Variants in PTPN21 observed in about 807,000 individuals in gnomAD.
PTPN21 encodes protein tyrosine phosphatase non-receptor type 21.
A neutral mutation model predicts 131.8 loss-of-function variants in PTPN21; 77 were observed. That is an observed-to-expected ratio of 0.58 (90% CI 0.49 to 0.71). The LOEUF (loss-of-function observed/expected upper bound fraction) is 0.71. Ranked by LOEUF, PTPN21 falls within the 30% of genes least tolerant of loss-of-function variation. The pLI is 0.00. For synonymous variants in PTPN21, 715 were observed against 621.3 expected (o/e 1.15, Z -2.24); for missense variants, 1,552 against 1,527.1 (o/e 1.02, Z -0.27).
At position 88,469,972 on chromosome 14, in the gene PTPN21, T is replaced by C. The variant is rs1399138580; in HGVS notation, c.2950A>G (p.Met984Val). ...LQNTCQDFWQMVWEQGIAIIA... is the reference protein window; with the variant it reads ...LQNTCQDFWQVVWEQGIAIIA... ...ATTGCAATTCCCTGTTCCCATACCA[T>C]CTGCCAAAAATCTTGACAGGTATTC... Residue 984 changes from methionine (M) to valine (V), a missense_variant, in exon 16 of 19, where the codon ATG becomes GTG. Around this residue, in one of 4 missense-constraint regions of PTPN21, gnomAD observed 316 missense variants for 378.5 expected, o/e 0.83. Transcript: ENST00000556564. The surrounding 1 kb of genome is among the most constrained non-coding windows in gnomAD (Gnocchi z 4.3). 1.9e-6 allele frequency: 3 copies of C among 1,614,080 alleles called. No homozygotes were observed. The highest frequency in any genetic ancestry group is 2.2e-5 in the South Asian group (2 of 91,080).
At chr14:88,505,231 CATTTCAGGG>C in intron 5 of PTPN21, 64 bp downstream of exon 5, 1 of 1,229,080 alleles carries the variant, frequency 8.1e-7, no homozygotes, top group Non-Finnish European at 1.2e-6. Context: ...ATACGGATTT[CATTTCAGGG>C]ATTATTAAGG....
intron 3 of PTPN21, among the ~76,000 whole-genome samples, chr14:88,510,514 T>C (rs1430760916): frequency 6.6e-6 from 1 of 152,212 alleles, no homozygotes; most frequent in African/African-American, 2.4e-5. Flanking sequence ...CCAAAGGTCT[T>C]GTTCTTAACC....
chr14:88,548,925 G>A (rs1028925178), intron 2 of PTPN21, among the ~76,000 whole-genome samples: 1 of 152,306 alleles, frequency 6.6e-6, no homozygotes, highest in South Asian at 2.1e-4. Context: ...AGTTAGCAGA[G>A]CTTACAACCT....
rs2077714620 is a variant in PTPN21 at position 88,485,158 on chromosome 14, A to C, written c.996T>G (p.Pro332=). The C allele has an allele frequency of 6.3e-7, 1 of 1,581,822 alleles. No homozygotes were observed. The highest frequency in any genetic ancestry group is 1.7e-5 in the Admixed American group (1 of 57,860). Residue 332 remains proline (P), a splice_region_variant and synonymous_variant, in exon 12 of 19, where the codon CCT becomes CCG. Coordinates refer to ENST00000556564, the MANE Select transcript of PTPN21 (RefSeq NM_007039.4). ...RRRSSSRMSL[P]KPQPYVMPPP... The stretch of plus-strand genomic sequence containing the variant: ...GAGGCATCACGTAGGGCTGGGGTTT[A>C]GGCTAAGAAATGGAGAGTTTGACAC...
At chr14:88,516,102 T>C (rs2078264791) in intron 3 of PTPN21, among the ~76,000 whole-genome samples, 1 of 152,122 alleles carries the variant, frequency 6.6e-6, no homozygotes, top group African/African-American at 2.4e-5. Context: ...TAAGTAAAGC[T>C]AAAGAAAACA....
At chr14:88,529,253 G>A in intron 2 of PTPN21, among the ~76,000 whole-genome samples, 1 of 152,082 alleles carries the variant, frequency 6.6e-6, no homozygotes, top group Admixed American at 6.6e-5. Context: ...TTTTAATGCT[G>A]TTTTTGTGGT....
At chr14:88,524,485 C>T (rs543200862) in intron 2 of PTPN21, among the ~76,000 whole-genome samples, 32 of 152,124 alleles carry the variant, frequency 2.1e-4, no homozygotes, top group Non-Finnish European at 4.0e-4. Flanking sequence ...ATATAAGAAG[C>T]GACCCGTAAA....
chr14:88,481,724 C>T (rs955945904), intron 12 of PTPN21, among the ~76,000 whole-genome samples: 3 of 152,176 alleles, frequency 2.0e-5, no homozygotes, highest in Non-Finnish European at 2.9e-5. Flanking sequence ...CCAAGAACCA[C>T]CTCACAAGAT....
chr14:88,486,157 T>C (rs1244174427), intron 10 of PTPN21, among the ~76,000 whole-genome samples: 1 of 152,050 alleles, frequency 6.6e-6, no homozygotes, highest in East Asian at 1.9e-4. Context: ...CCATAAGCAG[T>C]GGGGAAAGAG....
chr14:88,471,501 A>T (rs888650679), intron 15 of PTPN21, among the ~76,000 whole-genome samples: 6 of 152,202 alleles, frequency 3.9e-5, no homozygotes. Context: ...GGATATCCAT[A>T]AGCAGAAAAG....
intron 2 of PTPN21, among the ~76,000 whole-genome samples, chr14:88,521,505 CGCTT>C (rs1319977874): frequency 6.6e-6 from 1 of 151,116 alleles, no homozygotes; most frequent in African/African-American, 2.4e-5. Context: ...CAGTTTCAAG[CGCTT>C]CTCCTGCCTC....
chr14:88,517,733 A>G (rs373561706), intron 2 of PTPN21, among the ~76,000 whole-genome samples: 151 of 110,982 alleles, frequency 1.4e-3, no homozygotes, highest in Non-Finnish European at 1.9e-3. Flanking sequence ...TATATATACT[A>G]TATATACACG....
chr14:88,506,652 T>G (rs758917311), intron 4 of PTPN21, among the ~76,000 whole-genome samples: 1 of 151,600 alleles, frequency 6.6e-6, no homozygotes, highest in Non-Finnish European at 1.5e-5. Flanking sequence ...CAAGTGGGAG[T>G]GGGGTGAGGG....
intron 3 of PTPN21, among the ~76,000 whole-genome samples, chr14:88,511,537 T>C (rs753162160): frequency 6.6e-6 from 1 of 152,042 alleles, no homozygotes; most frequent in African/African-American, 2.4e-5. Flanking sequence ...CCGGGCATGG[T>C]CGTGGGCACC....
chr14:88,547,191 T>C (rs192909932), intron 2 of PTPN21, among the ~76,000 whole-genome samples: 1 of 151,686 alleles, frequency 6.6e-6, no homozygotes, highest in African/African-American at 2.4e-5. Context: ...CCACACCTGG[T>C]ATAAAAATAA....
chr14:88,495,075 A>C (rs1305455187), intron 10 of PTPN21, among the ~76,000 whole-genome samples: 8 of 150,804 alleles, frequency 5.3e-5, no homozygotes, highest in Non-Finnish European at 1.2e-4. Context: ...TTCAGGTTAA[A>C]CTAAGATCAT....
chr14:88,507,130 A>G (rs1488536951), intron 4 of PTPN21, among the ~76,000 whole-genome samples: 3 of 152,182 alleles, frequency 2.0e-5, no homozygotes, highest in Non-Finnish European at 1.5e-5. Flanking sequence ...CTATTGAAAT[A>G]AATAAAAAGA....
chr14:88,473,634 A>T, intron 14 of PTPN21, 31 bp downstream of exon 14: 3 of 1,585,844 alleles, frequency 1.9e-6, no homozygotes, highest in Non-Finnish European at 2.6e-6. Flanking sequence ...GTTCCAGAGA[A>T]GGCACAAAGC....
intron 3 of PTPN21, among the ~76,000 whole-genome samples, chr14:88,510,801 A>C (rs1401490253): frequency 6.6e-6 from 1 of 152,246 alleles, no homozygotes; most frequent in East Asian, 1.9e-4. Flanking sequence ...TCTAACATAC[A>C]GTAAAAAACA....
Sources: gnomAD v4.1 joint callset for allele counts (sites outside exome capture counted in the v4.1 genomes callset) on GRCh38, gnomAD v4.1.1 for gene constraint, gnomAD v4.1.1 regional missense constraint, Gnocchi (gnomAD v3.1) non-coding constraint, MANE v1.5 for transcripts, NCBI Gene and HGNC (gene_info 2026-07-23, HGNC 2026-07-21) for gene names.